KAT2B: variants seen among roughly 807,000 people sequenced by gnomAD.
The protein encoded by KAT2B is lysine acetyltransferase 2B.
KAT2B carries 36 observed loss-of-function variants against 105.9 expected under a neutral mutation model. The observed-to-expected ratio is 0.34, with a 90% CI of 0.26 to 0.45. KAT2B has a LOEUF of 0.45. KAT2B is among the 20% of genes least tolerant of loss of function. The pLI, the probability that KAT2B is intolerant of heterozygous loss-of-function variation, is 1.00. For missense variants in KAT2B, 820 were observed against 1,021.6 expected (o/e 0.80, Z 2.69); for synonymous variants, 397 against 377.9 (o/e 1.05, Z -0.59).
chr3:20,053,576 G>A (rs983986583), intron 1 of KAT2B, among the ~76,000 whole-genome samples: 10 of 152,030 alleles, frequency 6.6e-5, no homozygotes, highest in African/African-American at 2.4e-4. Context: ...AGGTATATGA[G>A]TGTTATGAGA....
At chr3:20,132,115 C>G (rs1237386058) in intron 11 of KAT2B, among the ~76,000 whole-genome samples, 1 of 152,214 alleles carries the variant, frequency 6.6e-6, no homozygotes, top group African/African-American at 2.4e-5. Flanking sequence ...TGGCTCACAC[C>G]TGTAATCCCA....
chr3:20,110,811 G>A (rs562788511), intron 5 of KAT2B, among the ~76,000 whole-genome samples: 9 of 152,180 alleles, frequency 5.9e-5, no homozygotes, highest in African/African-American at 1.9e-4. Context: ...CTAGAACTGT[G>A]GTCACATCTC....
At chr3:20,106,961 G>GTATATATATATATATGTATATATATA (rs1699017282) in intron 5 of KAT2B, among the ~76,000 whole-genome samples, 1 of 69,968 alleles carries the variant, frequency 1.4e-5, no homozygotes, top group Non-Finnish European at 2.6e-5. Flanking sequence ...AATTTTATGT[G>GTATATATATATATATGTATATATATA]TATATATATA....
chr3:20,063,980 T>TA (rs1478653497), intron 1 of KAT2B, among the ~76,000 whole-genome samples: 1 of 152,168 alleles, frequency 6.6e-6, no homozygotes, highest in Admixed American at 6.5e-5. Flanking sequence ...AGACTGTCCT[T>TA]TCTCTATTGA....
chr3:20,125,044 C>G (rs968506108), intron 9 of KAT2B, among the ~76,000 whole-genome samples: 2 of 152,152 alleles, frequency 1.3e-5, no homozygotes, highest in African/African-American at 4.8e-5. Flanking sequence ...ATACATGAGG[C>G]CGGGCGCGGT....
intron 13 of KAT2B, among the ~76,000 whole-genome samples, chr3:20,145,740 T>C (rs1313415678): frequency 6.6e-6 from 1 of 152,148 alleles, no homozygotes. Flanking sequence ...TGCATTATTC[T>C]TTTCTTTCTT....
At chr3:20,047,627 A>ATTTTTT (rs1697837696) in intron 1 of KAT2B, among the ~76,000 whole-genome samples, 1 of 43,752 alleles carries the variant, frequency 2.3e-5, no homozygotes. Context: ...TTTTTTTTTG[A>ATTTTTT]GACGGAGCCT....
At chr3:20,082,018 A>ATATACAGT (rs1698529749) in intron 2 of KAT2B, among the ~76,000 whole-genome samples, 1 of 151,764 alleles carries the variant, frequency 6.6e-6, no homozygotes, top group South Asian at 2.1e-4. Flanking sequence ...AAATATTTCA[A>ATATACAGT]TATACAGTTC....
intron 5 of KAT2B, among the ~76,000 whole-genome samples, chr3:20,104,649 T>C (rs1698967268): frequency 6.6e-6 from 1 of 152,190 alleles, no homozygotes; most frequent in Non-Finnish European, 1.5e-5. Flanking sequence ...CAGCAGTTAC[T>C]GTAAATATTA....
At chr3:20,079,423 C>T (rs1698481055) in intron 2 of KAT2B, among the ~76,000 whole-genome samples, 1 of 152,054 alleles carries the variant, frequency 6.6e-6, no homozygotes, top group Non-Finnish European at 1.5e-5. Flanking sequence ...AAGCTGGTCT[C>T]AAACTCCTGA....
chr3:20,150,884 T>TG (rs11414280), intron 17 of KAT2B, among the ~76,000 whole-genome samples: 40,117 of 152,046 alleles, frequency 0.26, 6,036 homozygotes, highest in East Asian at 0.6. Flanking sequence ...TCCCCCTTTT[T>TG]GGGGGGTACA....
chr3:20,126,742 A>AAC (rs1699410972), intron 10 of KAT2B, among the ~76,000 whole-genome samples: 1 of 148,148 alleles, frequency 6.8e-6, no homozygotes, highest in Non-Finnish European at 1.5e-5. Flanking sequence ...GAATTGCTTG[A>AAC]ACCCAGGAGG....
intron 1 of KAT2B, among the ~76,000 whole-genome samples, chr3:20,054,803 T>C (rs930185213): frequency 7.2e-5 from 11 of 152,182 alleles, no homozygotes; most frequent in African/African-American, 1.2e-4. Context: ...AAGTGAGTCA[T>C]GTAACCCAGG....
chr3:20,135,789 A>G (rs1699590164), intron 11 of KAT2B, among the ~76,000 whole-genome samples: 2 of 152,352 alleles, frequency 1.3e-5, no homozygotes, highest in South Asian at 2.1e-4. Context: ...GTGAGAGAGC[A>G]TAATCTTCAA....
intron 2 of KAT2B, among the ~76,000 whole-genome samples, chr3:20,081,642 G>A (rs558403108): frequency 6.6e-6 from 1 of 152,144 alleles, no homozygotes; most frequent in Admixed American, 6.5e-5. Context: ...GGTCAATCTT[G>A]GGTAATTAGT....
intron 1 of KAT2B, among the ~76,000 whole-genome samples, chr3:20,071,281 A>C (rs541394762): frequency 1.3e-5 from 2 of 152,154 alleles, no homozygotes; most frequent in Non-Finnish European, 2.9e-5. Flanking sequence ...ACCGTACTGG[A>C]TAGTATATGT....
At chr3:20,106,961 GTATATATATATATA>G (rs60656536) in intron 5 of KAT2B, among the ~76,000 whole-genome samples, 11 of 69,950 alleles carry the variant, frequency 1.6e-4, no homozygotes, top group East Asian at 1.1e-3. Context: ...AATTTTATGT[GTATATATATATATA>G]TATGTATATA....
chr3:20,086,237 C>T (rs1698612596), intron 2 of KAT2B, among the ~76,000 whole-genome samples: 1 of 152,052 alleles, frequency 6.6e-6, no homozygotes, highest in East Asian at 1.9e-4. Flanking sequence ...TGTGCCACTA[C>T]AATCCAGCCT....
intron 3 of KAT2B, 29 bp from the exon 4 acceptor site, chr3:20,099,833 T>G: frequency 1.5e-6 from 2 of 1,301,938 alleles, no homozygotes; most frequent in Non-Finnish European, 2.2e-6. Flanking sequence ...AAGTTTTTCT[T>G]TTTCTTTTTT....
Sources: gnomAD v4.1 joint callset for allele counts (sites outside exome capture counted in the v4.1 genomes callset) on GRCh38, gnomAD v4.1.1 for gene constraint, MANE v1.5 for transcripts, NCBI Gene and HGNC (gene_info 2026-07-23, HGNC 2026-07-21) for gene names.